The following UST variants were observed in gnomAD, a reference collection of about 807,000 sequenced individuals.
UST encodes the protein chondroitin sulfate 2-O-sulfotransferase.
UST carries 21 observed loss-of-function variants against 45.6 expected under a neutral mutation model. That is an observed-to-expected ratio of 0.46 (90% confidence interval 0.33 to 0.66). UST has a LOEUF of 0.66. Among genes scored for constraint, UST ranks in the 30% least tolerant of loss-of-function variants. The probability of loss-of-function intolerance (pLI) is 0.02; values close to 1 mark genes in which losing one functional copy is unlikely to be tolerated. For missense variants in UST, 463 were observed against 512.4 expected, an observed-to-expected ratio of 0.90 and a Z score of 0.93; for synonymous variants, 215 against 200.6, an observed-to-expected ratio of 1.07 and a Z score of -0.61.
chr6:148,940,442 A>C (rs1780103931), intron 2 of UST, among the ~76,000 whole-genome samples: 1 of 152,144 alleles, frequency 6.6e-6, no homozygotes. Context: ...TGGTGAGCCC[A>C]GGATCATGCC....
chr6:149,040,075 G>A (rs1455975091), intron 7 of UST, among the ~76,000 whole-genome samples: 1 of 152,180 alleles, frequency 6.6e-6, no homozygotes, highest in Non-Finnish European at 1.5e-5. Flanking sequence ...CTGAAGGCTG[G>A]TTAGGCATAA....
chr6:149,064,429 A>G (rs1193620095), intron 7 of UST, among the ~76,000 whole-genome samples: 1 of 152,240 alleles, frequency 6.6e-6, no homozygotes, highest in Non-Finnish European at 1.5e-5. Flanking sequence ...TAGATATCTT[A>G]CAATTCTTGG....
chr6:149,065,704 C>T (rs985974328), intron 7 of UST, among the ~76,000 whole-genome samples: 1 of 152,120 alleles, frequency 6.6e-6, no homozygotes, highest in Non-Finnish European at 1.5e-5. Context: ...TTGAGAATAT[C>T]AAATAAAATA....
chr6:148,911,600 A>G (rs1356982940), intron 2 of UST, among the ~76,000 whole-genome samples: 2 of 152,098 alleles, frequency 1.3e-5, no homozygotes, highest in African/African-American at 4.8e-5. Context: ...CTCTCCTCTC[A>G]ATCATTTGGC....
intron 5 of UST, among the ~76,000 whole-genome samples, chr6:148,970,149 TG>T (rs1243050985): frequency 6.6e-6 from 1 of 152,204 alleles, no homozygotes; most frequent in East Asian, 1.9e-4. Flanking sequence ...AGGCCACTTC[TG>T]GGGGTTAGCA....
At chr6:148,806,968 A>G (rs928698090) in intron 1 of UST, among the ~76,000 whole-genome samples, 8 of 152,364 alleles carry the variant, frequency 5.3e-5, no homozygotes, top group African/African-American at 1.9e-4. Context: ...CCACCTTTCA[A>G]CACTGTTGCA....
intron 7 of UST, among the ~76,000 whole-genome samples, chr6:149,060,745 G>A (rs4336467): frequency 0.34 from 51,970 of 151,972 alleles, 9,318 homozygotes; most frequent in African/African-American, 0.38. Context: ...CGTGTGCTGG[G>A]AATCTCTGGC....
Position 148,933,389 on chromosome 6 carries a change from T to C in UST, c.292-7890T>C, listed in dbSNP as rs1257506561. Among the ~76,000 whole-genome samples, 3 of 152,222 alleles carry C rather than the reference T, an allele frequency of 2.0e-5. No homozygotes were observed. The East Asian group carries it at 5.8e-4, about 29-fold the overall frequency. ...TAACAGATAGACCCAGATGGACTTGTAAATGATCTATGGCTATATTTATTT... is the reference window on the plus strand; with the variant it reads ...TAACAGATAGACCCAGATGGACTTGCAAATGATCTATGGCTATATTTATTT... On this transcript the variant is annotated intron_variant, in intron 2 of 7. Coordinates refer to ENST00000367463, the MANE Select transcript of UST (RefSeq NM_005715.3).
At chr6:148,873,329 C>A (rs1778593301) in intron 1 of UST, among the ~76,000 whole-genome samples, 1 of 151,990 alleles carries the variant, frequency 6.6e-6, no homozygotes, top group Admixed American at 6.6e-5. Context: ...GATGGGGGCC[C>A]CCATCTCACT....
At chr6:148,861,262 T>C (rs191331455) in intron 1 of UST, among the ~76,000 whole-genome samples, 123 of 152,354 alleles carry the variant, frequency 8.1e-4, no homozygotes, top group African/African-American at 2.9e-3. Context: ...CCATTTCTTC[T>C]AGATTTTCTA....
chr6:148,992,329 C>T (rs1275678181), intron 5 of UST, among the ~76,000 whole-genome samples: 3 of 152,090 alleles, frequency 2.0e-5, no homozygotes, highest in African/African-American at 7.2e-5. Flanking sequence ...ACGGTGAAAC[C>T]CCGTCTCTAC....
intron 2 of UST, among the ~76,000 whole-genome samples, chr6:148,929,165 G>A (rs751067816): frequency 6.6e-6 from 1 of 152,122 alleles, no homozygotes; most frequent in Non-Finnish European, 1.5e-5. Flanking sequence ...AGACCCTACT[G>A]GTTACTTACT....
intron 2 of UST, 73 bp from the exon 3 acceptor site, chr6:148,941,206 C>A: frequency 1.3e-6 from 2 of 1,550,330 alleles, no homozygotes; most frequent in South Asian, 2.4e-5. Context: ...AGTTATTGTT[C>A]TGAAATTGAG....
intron 1 of UST, among the ~76,000 whole-genome samples, chr6:148,803,330 C>G (rs1777085792): frequency 6.6e-6 from 1 of 152,150 alleles, no homozygotes; most frequent in Non-Finnish European, 1.5e-5. Context: ...CGGTTCTTAC[C>G]ATTCCTGGGA....
At chr6:148,877,680 C>A (rs1778709837) in intron 1 of UST, among the ~76,000 whole-genome samples, 1 of 37,310 alleles carries the variant, frequency 2.7e-5, no homozygotes, top group Non-Finnish European at 4.7e-5. Flanking sequence ...TGTATGAGTG[C>A]AGGGGGTCAT....
intron 2 of UST, among the ~76,000 whole-genome samples, chr6:148,930,573 C>A (rs1037552543): frequency 6.6e-6 from 1 of 152,166 alleles, no homozygotes; most frequent in Admixed American, 6.5e-5. Context: ...TAAGTTCATA[C>A]GATGGTGGAA....
At chr6:149,022,512 A>T (rs1444000956) in intron 7 of UST, among the ~76,000 whole-genome samples, 2 of 152,252 alleles carry the variant, frequency 1.3e-5, no homozygotes, top group African/African-American at 4.8e-5. Flanking sequence ...AGGCAGGAGA[A>T]TCGCTTGAAC....
At chr6:148,768,158 A>G (rs1204482729) in intron 1 of UST, among the ~76,000 whole-genome samples, 2 of 152,196 alleles carry the variant, frequency 1.3e-5, no homozygotes, top group Admixed American at 1.3e-4. Context: ...CACTGGATGC[A>G]ATCTTTTAAA....
At chr6:148,940,798 T>A (rs1421997772) in intron 2 of UST, among the ~76,000 whole-genome samples, 1 of 152,226 alleles carries the variant, frequency 6.6e-6, no homozygotes, top group Non-Finnish European at 1.5e-5. Flanking sequence ...TTCATGTGCT[T>A]GTTGGCCATT....
Sources: allele counts gnomAD v4.1 joint callset (sites outside exome capture counted in the v4.1 genomes callset), GRCh38; gene constraint gnomAD v4.1.1; transcripts MANE v1.5; gene names NCBI Gene and HGNC (gene_info 2026-07-23, HGNC 2026-07-21).